NTM: variants seen among roughly 807,000 people sequenced by gnomAD.
NTM encodes the protein neurotrimin.
NTM carries 13 observed loss-of-function variants against 42.1 expected under a neutral mutation model. The ratio of observed to expected loss-of-function variants is 0.31; its 90% CI spans 0.20 to 0.49. NTM has a LOEUF of 0.49. NTM is among the 20% of genes least tolerant of loss of function. The pLI is 0.99. For synonymous variants in NTM, 187 were observed against 179.2 expected (o/e 1.04, Z -0.35); for missense variants, 373 against 452.8 (o/e 0.82, Z 1.60).
chr11:132,068,237 T>G (rs575619280), intron 2 of NTM, among the ~76,000 whole-genome samples: 8 of 152,342 alleles, frequency 5.3e-5, no homozygotes, highest in African/African-American at 1.9e-4. Flanking sequence ...AAGGGTCTTT[T>G]TTTGCGTAAC....
At chr11:131,745,553 G>C (rs528510355) in intron 1 of NTM, among the ~76,000 whole-genome samples, 4 of 152,148 alleles carry the variant, frequency 2.6e-5, no homozygotes, top group Non-Finnish European at 5.9e-5. Context: ...CGAATTACTA[G>C]AACAAGGGGT....
chr11:131,789,502 AGAAGAAGAAG>A lies in NTM; in HGVS notation c.83-122061_83-122052del, dbSNP rs2090133418. ...AGAAGAAGAAGAAGAGGAAAGAAGA[AGAAGAAGAAG>A]AAGAAGAAGAAGAAGAAGAAGAAGA... On this transcript the variant is annotated intron_variant, in intron 1 of 8. Coordinates refer to ENST00000683400, the MANE Select transcript of NTM (RefSeq NM_001352005.2). Among the ~76,000 whole-genome samples, 5 of 10,288 alleles carry A rather than the reference AGAAGAAGAAG, an allele frequency of 4.9e-4. 2 individuals are homozygous for A. The highest frequency in any genetic ancestry group is 2.4e-3 in the African/African-American group (5 of 2,066). 6.7% of individuals were successfully genotyped at this position (10,288 alleles called of 152,430 possible). A position where few individuals can be genotyped will look rare whatever the true frequency, so the allele number is the denominator to read the frequency against.
rs142734120 is a variant in NTM, at chr11:132,308,831, A to T, written c.661+1008A>T. 2.5e-3 allele frequency among the ~76,000 whole-genome samples: 375 copies of T among 152,342 alleles called. 2 individuals are homozygous for T. The highest frequency in any genetic ancestry group is 8.7e-3 in the African/African-American group (360 of 41,570). On this transcript the variant is annotated intron_variant, in intron 5 of 8. Coordinates refer to ENST00000683400, the MANE Select transcript of NTM (RefSeq NM_001352005.2). ...TTTACAAAGGGACTTAAGAGGATTT[A>T]CAGTTTATAAAGATGAACTTAAAAC...
At chr11:132,014,889 G>A (rs1410455316) in intron 2 of NTM, among the ~76,000 whole-genome samples, 1 of 151,468 alleles carries the variant, frequency 6.6e-6, no homozygotes, top group Non-Finnish European at 1.5e-5. Context: ...GAAGCTTTTT[G>A]GCTTAATATG....
rs935695938 is a variant in NTM, at chr11:132,295,742, C to T, written c.527-11947C>T. On this transcript the variant is annotated intron_variant, in intron 4 of 8. Coordinates refer to ENST00000683400, the MANE Select transcript of NTM (RefSeq NM_001352005.2). ...GCAATAAAGAACCCAGAGATGTAGG[C>T]AAGAGCCAGCTCATGGGAACCTTCA... Among the ~76,000 whole-genome samples the T allele has an allele frequency of 1.6e-4, 25 of 152,254 alleles. No homozygotes were observed. In the East Asian group the frequency reaches 4.8e-3, roughly 29 times the overall value.
At chr11:131,679,424 G>T (rs2072021494) in intron 1 of NTM, among the ~76,000 whole-genome samples, 1 of 152,048 alleles carries the variant, frequency 6.6e-6, no homozygotes, top group Non-Finnish European at 1.5e-5. Flanking sequence ...GCCTTTAGAA[G>T]GTACTGGGTT....
intron 1 of NTM, among the ~76,000 whole-genome samples, chr11:131,699,217 G>A (rs1226997986): frequency 6.6e-6 from 1 of 152,178 alleles, no homozygotes; most frequent in East Asian, 1.9e-4. Context: ...AGAGAAGTGG[G>A]GCTGAACTAT....
chr11:132,195,261 T>C (rs1411151980), intron 3 of NTM, among the ~76,000 whole-genome samples: 1 of 151,924 alleles, frequency 6.6e-6, no homozygotes, highest in African/African-American at 2.4e-5. Context: ...ATCTATACAA[T>C]GAGAATTACA....
chr11:132,185,687 TTAATA>T (rs1245850164), intron 3 of NTM, among the ~76,000 whole-genome samples: 1 of 152,116 alleles, frequency 6.6e-6, no homozygotes, highest in African/African-American at 2.4e-5. Flanking sequence ...CATAATAATT[TTAATA>T]TAATTATTTT....
intron 1 of NTM, among the ~76,000 whole-genome samples, chr11:131,598,915 CCTTCCTTCTTT>C: frequency 7.3e-6 from 1 of 136,776 alleles, no homozygotes; most frequent in African/African-American, 3.0e-5. Flanking sequence ...TTCCTTCCTT[CCTTCCTTCTTT>C]CCTTTCAGAC....
At chr11:132,306,680 C>T (rs1427671889) in intron 4 of NTM, among the ~76,000 whole-genome samples, 1 of 152,180 alleles carries the variant, frequency 6.6e-6, no homozygotes, top group Non-Finnish European at 1.5e-5. Flanking sequence ...TAATTACTAG[C>T]ACCTCATTTC....
chr11:132,259,455 G>A (rs1464476913), intron 4 of NTM, among the ~76,000 whole-genome samples: 1 of 152,026 alleles, frequency 6.6e-6, no homozygotes, highest in Admixed American at 6.5e-5. Flanking sequence ...GCCAAGGAGG[G>A]TGGATCACAA....
chr11:131,535,001 A>G (rs2051928809), intron 1 of NTM: 2 of 152,216 alleles, frequency 1.3e-5, no homozygotes, highest in South Asian at 4.1e-4. Flanking sequence ...CTCTGCAACC[A>G]CCACTGAAGG....
At chr11:132,110,481 C>T (rs1037320753) in intron 2 of NTM, among the ~76,000 whole-genome samples, 12 of 152,344 alleles carry the variant, frequency 7.9e-5, no homozygotes, top group African/African-American at 2.2e-4. Flanking sequence ...CCTAATATCA[C>T]GTTGCCCTGT....
chr11:131,698,911 C>T (rs964273070), intron 1 of NTM, among the ~76,000 whole-genome samples: 1 of 152,182 alleles, frequency 6.6e-6, no homozygotes, highest in African/African-American at 2.4e-5. Context: ...ACTGATCTTT[C>T]TAACTTACCT....
chr11:132,277,586 A>C (rs1250092126), intron 4 of NTM, among the ~76,000 whole-genome samples: 1 of 152,192 alleles, frequency 6.6e-6, no homozygotes, highest in African/African-American at 2.4e-5. Flanking sequence ...GGCGTACTTG[A>C]ATTGAAACCA....
intron 1 of NTM, among the ~76,000 whole-genome samples, chr11:131,827,502 T>G (rs1373479615): frequency 6.6e-6 from 1 of 152,182 alleles, no homozygotes; most frequent in Non-Finnish European, 1.5e-5. Context: ...TCCATGTGTT[T>G]CAGTTCCTGG....
At chr11:131,727,963 G>A (rs1004804539) in intron 1 of NTM, among the ~76,000 whole-genome samples, 3 of 152,202 alleles carry the variant, frequency 2.0e-5, no homozygotes, top group Non-Finnish European at 4.4e-5. Context: ...GGGCCAGCTT[G>A]TATACCATGT....
chr11:132,198,815 G>A (rs1323053196), intron 3 of NTM, among the ~76,000 whole-genome samples: 3 of 152,212 alleles, frequency 2.0e-5, no homozygotes, highest in Admixed American at 6.5e-5. Context: ...CTCAGGACAT[G>A]TACTTTAAAA....
Sources: gnomAD v4.1 joint callset for allele counts (sites outside exome capture counted in the v4.1 genomes callset) on GRCh38, gnomAD v4.1.1 for gene constraint, MANE v1.5 for transcripts, NCBI Gene and HGNC (gene_info 2026-07-23, HGNC 2026-07-21) for gene names.